ARHGEF18: variants seen among roughly 807,000 people sequenced by gnomAD.
ARHGEF18 encodes the protein Rho/Rac guanine nucleotide exchange factor 18.
In ARHGEF18, 93 loss-of-function variants were observed where a neutral mutation model predicts 155.7. The ratio of observed to expected loss-of-function variants is 0.60; its 90% confidence interval spans 0.50 to 0.71. The LOEUF (loss-of-function observed/expected upper bound fraction) is 0.71, where lower values mean the gene tolerates loss of function less well. Among genes scored for constraint, ARHGEF18 ranks in the 30% least tolerant of loss-of-function variants. The pLI, the probability that ARHGEF18 is intolerant of heterozygous loss-of-function variation, is 0.00. For missense variants in ARHGEF18, 1,593 were observed against 1,816.1 expected (o/e 0.88, Z 2.23); for synonymous variants, 742 against 753.1 (o/e 0.99, Z 0.24).
downstream of ARHGEF18, chr19:7,477,427 G>C: frequency 6.9e-7 from 1 of 1,448,770 alleles, no homozygotes; most frequent in Admixed American, 2.9e-5. Context: ...GCTTGCCCCG[G>C]GGCAGCGGGC....
intron 2 of ARHGEF18, among the ~76,000 whole-genome samples, chr19:7,365,311 C>T (rs1395682485): frequency 6.6e-6 from 1 of 152,134 alleles, no homozygotes; most frequent in Non-Finnish European, 1.5e-5. Flanking sequence ...CCTGTAGTCC[C>T]AACTACTCGG....
intron 2 of ARHGEF18, among the ~76,000 whole-genome samples, chr19:7,366,702 G>A (rs900743404): frequency 5.9e-5 from 9 of 152,070 alleles, no homozygotes; most frequent in Admixed American, 5.2e-4. Flanking sequence ...TTCCATTTGG[G>A]GTTGTCAGAG....
Position 7,462,888 on chromosome 19 carries a change from G to A in ARHGEF18, c.2635+554G>A. Among the ~76,000 whole-genome samples, 1 of 144,646 alleles carries A rather than the reference G, an allele frequency of 6.9e-6. No individual in the cohort carries two copies. Among genetic ancestry groups the A allele is most frequent in the East Asian group, 2.0e-4 (1 of 4,922 alleles). 94.9% of individuals were successfully genotyped at this position (144,646 alleles called of 152,430 possible). A position where few individuals can be genotyped will look rare whatever the true frequency, so the allele number is the denominator to read the frequency against. ...GTCTCGCTTTGTCACCCAGGCTGGA[G>A]TGCAGTGGCGTGATCTCGGCTCACT... On this transcript the variant is annotated intron_variant, in intron 21 of 28. Transcript: ENST00000668164. The surrounding 1 kb of genome is among the most constrained non-coding windows in gnomAD (Gnocchi z 4.4).
chr19:7,416,807 G>T (rs11260064), intron 10 of ARHGEF18, among the ~76,000 whole-genome samples: 81,535 of 150,918 alleles, frequency 0.54, 22,515 homozygotes, highest in Middle Eastern at 0.72. Context: ...GTTTCACTGT[G>T]TTAGCCAGGA....
intron 1 of ARHGEF18, among the ~76,000 whole-genome samples, chr19:7,351,960 G>A (rs549684900): frequency 6.6e-6 from 1 of 152,116 alleles, no homozygotes; most frequent in South Asian, 2.1e-4. Context: ...CTCCCAAAGT[G>A]CTGGGATTAC....
At position 7,352,961 on chromosome 19, in the gene ARHGEF18, T is replaced by C. The variant is rs1206846853; in HGVS notation, c.-111+3720T>C. Among the ~76,000 whole-genome samples the C allele has an allele frequency of 4.1e-5, 6 of 145,360 alleles. No individual in the cohort carries two copies. The East Asian group carries it at 1.3e-3, about 31-fold the overall frequency. On this transcript the variant is annotated intron_variant, in intron 1 of 28. Transcript: ENST00000668164. ...AAGCGATTCTCCTGCCTCAGCCTCC[T>C]GAATAGCTGGGATTACAGGCATCCA...
At chr19:7,350,802 G>A (rs976065208) in intron 1 of ARHGEF18, among the ~76,000 whole-genome samples, 1 of 150,628 alleles carries the variant, frequency 6.6e-6, no homozygotes. Context: ...GTGTGTGTGT[G>A]TGTGTGTGTG....
chr19:7,375,967 C>A, intron 4 of ARHGEF18, 97 bp downstream of exon 4: 1 of 1,199,758 alleles, frequency 8.3e-7, no homozygotes. Flanking sequence ...GGGCTGGTGG[C>A]GCTTACCCAC....
At chr19:7,375,311 GAAAAAGAA>G (rs1970392596) in intron 3 of ARHGEF18, among the ~76,000 whole-genome samples, 1 of 100,904 alleles carries the variant, frequency 9.9e-6, no homozygotes, top group African/African-American at 3.8e-5. Context: ...AGAAAAGAAA[GAAAAAGAA>G]AGAAAGAAAG....
At position 7,381,006 on chromosome 19, in the gene ARHGEF18, G is replaced by C; in HGVS notation, c.722+12G>C. 3 of 1,232,100 alleles carry C rather than the reference G, an allele frequency of 2.4e-6. 1 individual carries two copies. The South Asian group carries it at 1.2e-4, about 51-fold the overall frequency. 76.3% of individuals were successfully genotyped at this position (1,232,100 alleles called of 1,614,324 possible). On this transcript the variant is annotated intron_variant, in intron 8 of 28. Transcript: ENST00000668164. ...GAATTCCTGTCGGAGTAAGTACACA[G>C]ATCTGCTTCTGGGGAGGGCAGCCTT... is the stretch of plus-strand genomic sequence containing the variant.
intron 10 of ARHGEF18, among the ~76,000 whole-genome samples, chr19:7,433,941 C>T (rs1487646594): frequency 6.7e-6 from 1 of 150,050 alleles, no homozygotes; most frequent in African/African-American, 2.5e-5. Flanking sequence ...ATCACTTGAA[C>T]CTAGGAGGCG....
In ARHGEF18 at chr19:7,467,558, C is replaced by G. The variant is rs1390347521; in HGVS notation, c.3354C>G (p.His1118Gln). 2.1e-5 allele frequency: 31 copies of G among 1,482,996 alleles called. No individual in the cohort carries two copies. The highest frequency in any genetic ancestry group is 1.7e-4 in the East Asian group (6 of 36,328). 91.9% of individuals were successfully genotyped at this position (1,482,996 alleles called of 1,614,324 possible). ...ELERQRQAYQ[H>Q]DLERLREAQR... ...AGCGCCAGCGCCAGGCCTACCAGCA[C>G]GACCTGGAGCGGCTGCGCGAGGCCC... Residue 1118 changes from histidine (H) to glutamine (Q), a missense_variant, in exon 26 of 29, where the codon CAC (histidine) becomes CAG (glutamine). Transcript: ENST00000668164.
chr19:7,447,774 A>G (rs1192040961), intron 15 of ARHGEF18, among the ~76,000 whole-genome samples: 3 of 151,990 alleles, frequency 2.0e-5, no homozygotes, highest in African/African-American at 4.8e-5. Context: ...CAGGAGGATC[A>G]CTTGAGGCCA....
At position 7,444,195 on chromosome 19, in the gene ARHGEF18, TC is replaced by T; in HGVS notation, c.1361-6del. ...GCATGGCTAAGTCCTGCCGTCTGTG[TC>T]CCTGCAGAGCTGATGCAGACAGAGG... On this transcript the variant is annotated splice_region_variant and splice_polypyrimidine_tract_variant and intron_variant, in intron 13 of 28. Transcript: ENST00000668164. The surrounding 1 kb of genome is among the most constrained non-coding windows in gnomAD (Gnocchi z 4.7). 5.0e-6 allele frequency: 8 copies of T among 1,610,266 alleles called. No individual in the cohort carries two copies. The highest frequency in any genetic ancestry group is 6.8e-6 in the Non-Finnish European group (8 of 1,177,686).
At position 7,440,390 on chromosome 19, in the gene ARHGEF18, C is replaced by T. The variant is rs751733105; in HGVS notation, c.1014C>T (p.Ser338=). Residue 338 remains serine (S), a synonymous_variant, in exon 11 of 29, where the codon AGC becomes AGT. Coordinates refer to ENST00000668164, the MANE Select transcript of ARHGEF18 (RefSeq NM_001367823.1). The surrounding 1 kb of genome is among the most constrained non-coding windows in gnomAD (Gnocchi z 5.4). ...HPRGTLLSDG[S]PALSRNVGMT... is the part of the protein sequence containing the mutation. The stretch of plus-strand genomic sequence containing the variant: ...GGGGCACCCTCCTGTCCGATGGCAG[C>T]CCGGCCCTGTCCAGGAATGTCGGTA... 3.7e-6 allele frequency: 6 copies of T among 1,609,690 alleles called. No homozygotes were observed. The South Asian group carries it at 5.5e-5, about 15-fold the overall frequency.
At chr19:7,367,508 A>G (rs952163473) in intron 2 of ARHGEF18, among the ~76,000 whole-genome samples, 1 of 151,952 alleles carries the variant, frequency 6.6e-6, no homozygotes, top group Non-Finnish European at 1.5e-5. Context: ...GCACTTTGGG[A>G]GGCTGAGGCA....
intron 19 of ARHGEF18, 55 bp from the exon 20 acceptor site, chr19:7,459,848 C>T: frequency 1.4e-6 from 2 of 1,470,832 alleles, no homozygotes; most frequent in East Asian, 5.0e-5. Flanking sequence ...AGCGTCTGTG[C>T]CGAGGCTGGC....
intron 10 of ARHGEF18, among the ~76,000 whole-genome samples, chr19:7,405,610 T>A (rs1379313084): frequency 6.6e-6 from 1 of 152,052 alleles, no homozygotes; most frequent in African/African-American, 2.4e-5. Context: ...AAATTTGTTT[T>A]GTTTTAGTTT....
At chr19:7,467,190 T>A (rs1018655718) in intron 25 of ARHGEF18, 24 bp from the exon 26 acceptor site, 5 of 1,579,266 alleles carry the variant, frequency 3.2e-6, no homozygotes, top group Non-Finnish European at 4.3e-6. Context: ...CGGCTCTCAC[T>A]CGCCTGGCCC....
Sources: allele counts gnomAD v4.1 joint callset (sites outside exome capture counted in the v4.1 genomes callset), GRCh38; gene constraint gnomAD v4.1.1; non-coding constraint Gnocchi (gnomAD v3.1); transcripts MANE v1.5; gene names NCBI Gene and HGNC (gene_info 2026-07-23, HGNC 2026-07-21).